The following UBR4 variants were observed in gnomAD, a reference collection of about 807,000 sequenced individuals.
UBR4 encodes the protein ubiquitin protein ligase E3 component n-recognin 4.
UBR4 carries 124 observed loss-of-function variants against 575.6 expected under a neutral mutation model. The ratio of observed to expected loss-of-function variants is 0.22; its 90% CI spans 0.19 to 0.25. The LOEUF (loss-of-function observed/expected upper bound fraction) is 0.25, where lower values mean the gene tolerates loss of function less well. UBR4 is among the 10% of genes least tolerant of loss of function. The pLI is 1.00. For missense variants in UBR4, 4,818 were observed against 6,478.8 expected, an observed-to-expected ratio of 0.74 and a Z score of 8.80; for synonymous variants, 2,455 against 2,473.7, an observed-to-expected ratio of 0.99 and a Z score of 0.22.
At chr1:19,161,461 C>T (rs940165531) in intron 37 of UBR4, 128 bp downstream of exon 37, 13 of 1,290,432 alleles carry the variant, frequency 1.0e-5, no homozygotes, top group East Asian at 2.3e-5. Context: ...TGCAGATCAT[C>T]GATGAGTGAG....
rs1340942082 is a variant in UBR4 at position 19,121,307 on chromosome 1, T to C, written c.10023A>G (p.Gly3341=). The C allele has an allele frequency of 6.2e-7, 1 of 1,614,156 alleles. No individual in the cohort carries two copies. Among genetic ancestry groups the C allele is most frequent in the African/African-American group, 1.3e-5 (1 of 75,050 alleles). ...CTGAGGAGGAAGAAGCACTGGAGGA[T>C]CCCGAAGAGGCTGCCAGTGCAGCGA... ...KVLAALAASS[G]SSSASSSSAP... is the part of the protein sequence containing the mutation. Residue 3341 remains glycine, a synonymous_variant, in exon 68 of 106, where the codon GGA becomes GGG. Transcript: ENST00000375254.
At chr1:19,147,129 A>T (rs2084981722) in intron 51 of UBR4, 129 bp from the exon 52 acceptor site, 1 of 937,168 alleles carries the variant, frequency 1.1e-6, no homozygotes, top group Admixed American at 2.8e-5. Context: ...AATGAACACC[A>T]ATCACCTACA....
At chr1:19,114,191 A>T in intron 75 of UBR4, 121 bp from the exon 76 acceptor site, 1 of 1,279,620 alleles carries the variant, frequency 7.8e-7, no homozygotes, top group Non-Finnish European at 1.1e-6. Flanking sequence ...TGTTTCATAC[A>T]TTATCTCTGT....
At chr1:19,161,974 C>T (rs531612889) in intron 35 of UBR4, 77 bp from the exon 36 acceptor site, 28 of 1,520,802 alleles carry the variant, frequency 1.8e-5, no homozygotes, top group South Asian at 4.6e-5. Flanking sequence ...TGTGCCTCAA[C>T]GCCCTATGGC....
chr1:19,191,445 T>C (rs1026137783), intron 11 of UBR4, among the ~76,000 whole-genome samples: 1 of 152,202 alleles, frequency 6.6e-6, no homozygotes, highest in Non-Finnish European at 1.5e-5. Flanking sequence ...CACTCCAGCA[T>C]GGGCAACAGA....
At chr1:19,114,179 T>G in intron 75 of UBR4, 109 bp from the exon 76 acceptor site, 2 of 1,391,054 alleles carry the variant, frequency 1.4e-6, no homozygotes, top group Non-Finnish European at 9.7e-7. Context: ...GGTCAGGCAC[T>G]GTGTTTCATA....
Position 19,158,402 on chromosome 1 carries a change from G to A in UBR4, c.5578-405C>T, listed in dbSNP as rs138634491. Among the ~76,000 whole-genome samples the A allele has an allele frequency of 5.5e-3, 834 of 151,920 alleles. 12 individuals carry two copies. The highest frequency in any genetic ancestry group is 3.6e-3 in the Non-Finnish European group (243 of 67,978). ...AAACCAATGCTCTAAAAGTGTGACTGATTTTACGACTTCTTTTAATTCCAA... is the reference window on the plus strand; with the variant it reads ...AAACCAATGCTCTAAAAGTGTGACTAATTTTACGACTTCTTTTAATTCCAA... On this transcript the variant is annotated intron_variant, in intron 39 of 105. Coordinates refer to ENST00000375254, the MANE Select transcript of UBR4 (RefSeq NM_020765.3).
chr1:19,105,823 G>A lies in UBR4; in HGVS notation c.12413C>T (p.Thr4138Met), dbSNP rs2079128390. ...ACAGGCTGCCTGCCGTGCGGCCTGC[G>A]TTGCTGGAGTGAAAAGCACCTGCAG... is the stretch of plus-strand genomic sequence containing the variant. ...WLRQVLFTPATQAARQAACTI... is the reference protein window; with the variant it reads ...WLRQVLFTPAMQAARQAACTI... Residue 4138 changes from threonine (T) to methionine (M), a missense_variant, in exon 84 of 106, where the codon ACG (threonine) becomes ATG (methionine). Transcript: ENST00000375254. 4.4e-6 allele frequency: 7 copies of A among 1,603,064 alleles called. No individual in the cohort carries two copies. Among genetic ancestry groups the A allele is most frequent in the Non-Finnish European group, 4.2e-6 (5 of 1,176,494 alleles).
Position 19,160,148 on chromosome 1 carries a change from G to C in UBR4, c.5540C>G (p.Thr1847Ser), listed in dbSNP as rs750511614. 6.2e-7 allele frequency: 1 copy of C among 1,613,524 alleles called. No homozygotes were observed. The highest frequency in any genetic ancestry group is 8.5e-7 in the Non-Finnish European group (1 of 1,179,812). The change falls in exon 39 of 106, where the codon ACT becomes AGT. Residue 1847 changes from threonine to serine, a missense_variant. Transcript: ENST00000375254. ...TGTCATCTCCACTGCCTTCTCCACA[G>C]TGTGTAGCTCACTGAGGGCTTGCTG... ...RAQQALSELH[T>S]VEKAVEMTDQ...
At chr1:19,086,990 TGAA>T (rs2077075849) in intron 99 of UBR4, among the ~76,000 whole-genome samples, 169 bp from the exon 100 acceptor site, 1 of 152,198 alleles carries the variant, frequency 6.6e-6, no homozygotes, top group South Asian at 2.1e-4. Flanking sequence ...AGTCTGTTGG[TGAA>T]GCACTTGGCT....
At chr1:19,163,300 T>C (rs565512400) in intron 34 of UBR4, among the ~76,000 whole-genome samples, 44 of 152,296 alleles carry the variant, frequency 2.9e-4, no homozygotes, top group Non-Finnish European at 5.1e-4. Flanking sequence ...GAGGAGAAAA[T>C]GCCTGAATGC....
At chr1:19,082,109 G>T (rs891307922) in intron 102 of UBR4, 1 of 323,866 alleles carries the variant, frequency 3.1e-6, no homozygotes, top group Non-Finnish European at 5.7e-6. Context: ...TCCCTCTTCC[G>T]GTTTGTCTTC....
chr1:19,196,047 T>C (rs1283378165), intron 8 of UBR4, among the ~76,000 whole-genome samples: 1 of 150,604 alleles, frequency 6.6e-6, no homozygotes, highest in East Asian at 1.9e-4. Flanking sequence ...CCCCAAACTC[T>C]TGGATACGTT....
Position 19,121,253 on chromosome 1 carries a change from G to A in UBR4, c.10077C>T (p.Ala3359=), listed in dbSNP as rs764790546. 37 of 1,614,052 alleles carry A rather than the reference G, an allele frequency of 2.3e-5. No homozygotes were observed. The South Asian group carries it at 3.7e-4, about 16-fold the overall frequency. The part of the protein sequence containing the change: ...SAPVAASSGQ[A]TTQSKSSTKK... ...TAGTGGAAGACTTGGACTGTGTTGT[G>A]GCTTGTCCAGAACTGGCAGCCACAG... Residue 3359 remains alanine, a synonymous_variant, in exon 68 of 106, where the codon GCC becomes GCT. Transcript: ENST00000375254.
At chr1:19,140,538 G>A (rs762115385) in intron 58 of UBR4, among the ~76,000 whole-genome samples, 5 of 152,240 alleles carry the variant, frequency 3.3e-5, no homozygotes, top group Non-Finnish European at 7.3e-5. Context: ...CCTGCATGCC[G>A]CTCTCTCGGC....
In UBR4 at chr1:19,088,342, T is replaced by C. The variant is rs564323672; in HGVS notation, c.14431-413A>G. 7.2e-5 allele frequency among the ~76,000 whole-genome samples: 11 copies of C among 152,350 alleles called. No individual in the cohort carries two copies. The highest frequency in any genetic ancestry group is 2.6e-4 in the Admixed American group (4 of 15,312). On this transcript the variant is annotated intron_variant, in intron 98 of 105. Coordinates refer to ENST00000375254, the MANE Select transcript of UBR4 (RefSeq NM_020765.3). The surrounding 1 kb of genome is among the most constrained non-coding windows in gnomAD (Gnocchi z 4.0). ...GGAAAAGGAGCTTGTAGGACTCTGCTTCCTCCAAGGTGGGACAGTTAGAAG... is the reference window on the plus strand; with the variant it reads ...GGAAAAGGAGCTTGTAGGACTCTGCCTCCTCCAAGGTGGGACAGTTAGAAG...
chr1:19,142,276 A>G (rs2084031365), intron 55 of UBR4, among the ~76,000 whole-genome samples: 1 of 152,208 alleles, frequency 6.6e-6, no homozygotes, highest in Non-Finnish European at 1.5e-5. Context: ...GTGTAAAACC[A>G]TTGACTGGAA....
rs1558019225 is a variant in UBR4 at position 19,199,752 on chromosome 1, G to T, written c.277C>A (p.Pro93Thr). Residue 93 changes from proline (P) to threonine (T), a missense_variant and splice_region_variant, in exon 3 of 106, where the codon CCC (proline) becomes ACC (threonine). Transcript: ENST00000375254. The stretch of plus-strand genomic sequence containing the variant: ...GCCACTGACTGAAGTTGGTTCCGGG[G>T]AACTGAGAAAGTAATAAACATTACT... ...HYITTVCSLIPRNQLQSVAAA... is the reference protein window; with the variant it reads ...HYITTVCSLITRNQLQSVAAA... 1 of 1,613,954 alleles carries T rather than the reference G, an allele frequency of 6.2e-7. No individual in the cohort carries two copies. The highest frequency in any genetic ancestry group is 8.5e-7 in the Non-Finnish European group (1 of 1,179,862).
At position 19,151,856 on chromosome 1, in the gene UBR4, C is replaced by T. The variant is rs749634743; in HGVS notation, c.7000G>A (p.Gly2334Arg). 3.8e-6 allele frequency: 6 copies of T among 1,587,900 alleles called. No homozygotes were observed. Among genetic ancestry groups the T allele is most frequent in the East Asian group, 4.5e-5 (2 of 44,618 alleles). The part of the protein sequence containing the change: ...TGMYVANTKP[G>R]GFTIEISNNN... ...TTACTAATCTCAATGGTGAAGCCTC[C>T]GGGCTGTAGGGAGACAAGGCACACA... The change falls in exon 48 of 106, where the codon GGA (glycine) becomes AGA (arginine). Residue 2334 changes from glycine (G) to arginine (R), a missense_variant. Transcript: ENST00000375254.
Sources: gnomAD v4.1 joint callset for allele counts (sites outside exome capture counted in the v4.1 genomes callset) on GRCh38, gnomAD v4.1.1 for gene constraint, Gnocchi (gnomAD v3.1) non-coding constraint, MANE v1.5 for transcripts, NCBI Gene and HGNC (gene_info 2026-07-23, HGNC 2026-07-21) for gene names.